Variants in DCLK2 observed in about 807,000 individuals in gnomAD.
The protein encoded by DCLK2 is doublecortin like kinase 2.
DCLK2 carries 31 observed loss-of-function variants against 78.4 expected under a neutral mutation model. The observed-to-expected ratio is 0.40, with a 90% CI of 0.30 to 0.53. The LOEUF is 0.53. DCLK2 is among the 20% of genes least tolerant of loss of function. The pLI, the probability that DCLK2 is intolerant of heterozygous loss-of-function variation, is 0.61. For missense variants in DCLK2, 872 were observed against 973.7 expected, an observed-to-expected ratio of 0.90 and a Z score of 1.39; for synonymous variants, 407 against 374.9, an observed-to-expected ratio of 1.09 and a Z score of -0.99.
chr4:150,191,453 G>T (rs751042458), intron 2 of DCLK2, among the ~76,000 whole-genome samples: 12 of 152,134 alleles, frequency 7.9e-5, no homozygotes, highest in Admixed American at 2.0e-4. Flanking sequence ...CCAAGGAATA[G>T]AAGTAGAGAC....
intron 2 of DCLK2, among the ~76,000 whole-genome samples, chr4:150,188,492 A>G (rs974201180): frequency 6.6e-6 from 1 of 152,112 alleles, no homozygotes; most frequent in Non-Finnish European, 1.5e-5. Flanking sequence ...TAACTGCTTA[A>G]CCAAATAGGC....
intron 2 of DCLK2, among the ~76,000 whole-genome samples, chr4:150,141,289 G>A (rs1734085624): frequency 6.6e-6 from 1 of 152,094 alleles, no homozygotes; most frequent in African/African-American, 2.4e-5. Flanking sequence ...GTAAGTTAGG[G>A]TGAAATATTT....
rs113059899 is a variant in DCLK2 at position 150,221,709 on chromosome 4, A to C, written c.1165A>C (p.Thr389Pro). 7 of 1,603,300 alleles carry C rather than the reference A, an allele frequency of 4.4e-6. No homozygotes were observed. The highest frequency in any genetic ancestry group is 3.4e-5 in the South Asian group (3 of 88,256). Residue 389 changes from threonine (T) to proline (P), a missense_variant, in exon 7 of 16, where the codon ACT (threonine) becomes CCT (proline). This residue lies in a region of DCLK2 where 567 missense variants were observed against 593.4 expected (regional missense o/e 0.96). Transcript: ENST00000296550. ...TGGAAACAGATGCTCTGAATCATCA[A>C]CTCTTCTTGAGAAATACAAAATTGG... ...VNGNRCSESS[T>P]LLEKYKIGKV...
intron 2 of DCLK2, among the ~76,000 whole-genome samples, chr4:150,115,309 C>T (rs1199335352): frequency 6.6e-6 from 1 of 151,664 alleles, no homozygotes; most frequent in East Asian, 1.9e-4. Context: ...TGGTTTTTGC[C>T]TTTCTCTTGT....
intron 10 of DCLK2, among the ~76,000 whole-genome samples, chr4:150,238,742 CTGGCAT>C (rs1358906054): frequency 6.6e-6 from 1 of 152,160 alleles, no homozygotes; most frequent in African/African-American, 2.4e-5. Flanking sequence ...AAGGGAGGTA[CTGGCAT>C]TATCTCACTT....
At chr4:150,247,549 G>C in intron 12 of DCLK2, 54 bp from the exon 13 acceptor site, 1 of 1,552,812 alleles carries the variant, frequency 6.4e-7, no homozygotes, top group Non-Finnish European at 8.9e-7. Flanking sequence ...ACATTTTGTT[G>C]AAAAATTCTA....
chr4:150,216,587 C>T (rs1464388951), intron 5 of DCLK2, among the ~76,000 whole-genome samples: 7 of 151,966 alleles, frequency 4.6e-5, no homozygotes, highest in African/African-American at 1.7e-4. Context: ...TGCAGTGAGC[C>T]GAGATTGTGC....
At chr4:150,120,054 A>G (rs1732407909) in intron 2 of DCLK2, among the ~76,000 whole-genome samples, 1 of 152,200 alleles carries the variant, frequency 6.6e-6, no homozygotes, top group South Asian at 2.1e-4. Context: ...TTGTACCAGT[A>G]TGTGTCATAT....
chr4:150,133,246 T>C (rs1388700542), intron 2 of DCLK2, among the ~76,000 whole-genome samples: 5 of 152,148 alleles, frequency 3.3e-5, no homozygotes, highest in Non-Finnish European at 7.3e-5. Flanking sequence ...GTTTACCATA[T>C]GAGAAATGAA....
At chr4:150,202,620 T>C (rs1739539799) in intron 4 of DCLK2, among the ~76,000 whole-genome samples, 1 of 152,186 alleles carries the variant, frequency 6.6e-6, no homozygotes, top group Admixed American at 6.5e-5. Flanking sequence ...GTGCATTTGG[T>C]TTTTTATACT....
intron 2 of DCLK2, among the ~76,000 whole-genome samples, chr4:150,129,876 A>G (rs1223206014): frequency 1.3e-5 from 2 of 152,060 alleles, no homozygotes; most frequent in African/African-American, 2.4e-5. Context: ...ATTTTTTTGA[A>G]GAGGTGCCTA....
intron 5 of DCLK2, among the ~76,000 whole-genome samples, chr4:150,214,498 C>T (rs1360789266): frequency 6.6e-6 from 1 of 152,136 alleles, no homozygotes; most frequent in Non-Finnish European, 1.5e-5. Flanking sequence ...TGCCTGCTGG[C>T]CAAATTCAGC....
intron 8 of DCLK2, 90 bp from the exon 9 acceptor site, chr4:150,232,247 C>T (rs371482938): frequency 6.7e-7 from 1 of 1,488,276 alleles, no homozygotes. Flanking sequence ...ATCAGATCCA[C>T]AGGCTGTGTT....
chr4:150,243,043 G>A (rs1394361551), intron 12 of DCLK2, among the ~76,000 whole-genome samples: 5 of 152,084 alleles, frequency 3.3e-5, no homozygotes, highest in African/African-American at 9.7e-5. Context: ...GAGTTTGAGC[G>A]GACTGTGTGC....
At chr4:150,095,660 G>T (rs997957044) in intron 1 of DCLK2, among the ~76,000 whole-genome samples, 19 of 152,186 alleles carry the variant, frequency 1.2e-4, no homozygotes, top group Non-Finnish European at 2.5e-4. Context: ...GTCATTGGAT[G>T]TGTGTTGTTA....
intron 2 of DCLK2, among the ~76,000 whole-genome samples, chr4:150,104,393 CTAAAAA>C (rs1560775128): frequency 1.2e-4 from 1 of 8,040 alleles, no homozygotes; most frequent in Non-Finnish European, 2.6e-4. Context: ...ACCACATCTC[CTAAAAA>C]AAAAAAAAAA....
At chr4:150,218,790 T>C (rs1425803343) in intron 5 of DCLK2, among the ~76,000 whole-genome samples, 2 of 152,200 alleles carry the variant, frequency 1.3e-5, no homozygotes, top group East Asian at 3.8e-4. Flanking sequence ...TTCCTGACCA[T>C]TGATTTTCCA....
At chr4:150,243,865 CTTTTT>C (rs200972178) in intron 12 of DCLK2, among the ~76,000 whole-genome samples, 3 of 135,546 alleles carry the variant, frequency 2.2e-5, no homozygotes, top group Admixed American at 7.3e-5. Context: ...CCATGCCCAG[CTTTTT>C]TTTTTTTTTT....
intron 6 of DCLK2, among the ~76,000 whole-genome samples, 195 bp downstream of exon 6, chr4:150,220,973 A>G (rs1027062863): frequency 3.9e-5 from 6 of 152,232 alleles, no homozygotes; most frequent in African/African-American, 1.4e-4. Flanking sequence ...CATTGTCATT[A>G]ACTAGGTTAT....
Sources: gnomAD v4.1 joint callset for allele counts (sites outside exome capture counted in the v4.1 genomes callset) on GRCh38, gnomAD v4.1.1 for gene constraint, gnomAD v4.1.1 regional missense constraint, MANE v1.5 for transcripts, NCBI Gene and HGNC (gene_info 2026-07-23, HGNC 2026-07-21) for gene names.